RNF212B: variants seen among roughly 807,000 people sequenced by gnomAD.
RNF212B encodes E3 ubiquitin-protein ligase RNF212B.
A neutral mutation model predicts 55.5 loss-of-function variants in RNF212B; 52 were observed. The observed-to-expected ratio is 0.94, with a 90% CI of 0.75 to 1.18. The LOEUF (loss-of-function observed/expected upper bound fraction) is 1.18. Ranked by LOEUF, RNF212B falls within the 50% of genes most tolerant of loss-of-function variation. The pLI is 0.00. For synonymous variants in RNF212B, 99 were observed against 121.4 expected (o/e 0.82, Z 1.21); for missense variants, 289 against 350.4 (o/e 0.82, Z 1.40).
intron 2 of RNF212B, among the ~76,000 whole-genome samples, chr14:23,202,849 CAAA>C (rs796329912): frequency 1.9e-4 from 12 of 63,372 alleles, no homozygotes; most frequent in Admixed American, 5.5e-4. Context: ...GACCCTGTCT[CAAA>C]AAAAAAAAAA....
chr14:23,189,576 G>C (rs1877918536), intron 1 of RNF212B, among the ~76,000 whole-genome samples: 1 of 152,090 alleles, frequency 6.6e-6, no homozygotes, highest in Non-Finnish European at 1.5e-5. Flanking sequence ...GCCAAGGCGG[G>C]AGGATCGCTT....
chr14:23,198,660 A>G (rs112569978), intron 2 of RNF212B, among the ~76,000 whole-genome samples: 2 of 89,018 alleles, frequency 2.2e-5, no homozygotes, highest in African/African-American at 8.8e-5. Flanking sequence ...TGAGAACAAG[A>G]AAACTCTGTC....
chr14:23,253,273 C>T (rs1317701389), intron 4 of RNF212B, among the ~76,000 whole-genome samples: 1 of 152,030 alleles, frequency 6.6e-6, no homozygotes, highest in Non-Finnish European at 1.5e-5. Flanking sequence ...TAAAATGTTC[C>T]CACATTTTGA....
intron 2 of RNF212B, among the ~76,000 whole-genome samples, chr14:23,232,892 C>A (rs1001388911): frequency 6.3e-5 from 8 of 126,696 alleles, no homozygotes; most frequent in African/African-American, 2.0e-4. Context: ...CCGGCCACCA[C>A]CCCATCTGGG....
At chr14:23,213,355 G>C (rs369828797) in intron 2 of RNF212B, among the ~76,000 whole-genome samples, 1 of 151,594 alleles carries the variant, frequency 6.6e-6, no homozygotes, top group South Asian at 2.1e-4. Context: ...AGAAATTAAA[G>C]AAGACCTAAA....
rs538877931 is a variant in RNF212B at position 23,220,704 on chromosome 14, A to T, written c.-1-19641A>T. Among the ~76,000 whole-genome samples, 23 of 152,070 alleles carry T rather than the reference A, an allele frequency of 1.5e-4. No individual in the cohort carries two copies. In the South Asian group the frequency reaches 4.6e-3, roughly 30 times the overall value. On this transcript the variant is annotated intron_variant, in intron 2 of 15. Coordinates refer to the RNF212B transcript ENST00000399910. ...GCTGGGCGTGGTGGCGGGCACCTGT[A>T]GTCCCAGCTACTCAGGAGGCTGAGG...
chr14:23,207,242 T>G (rs561382193), intron 2 of RNF212B, among the ~76,000 whole-genome samples: 1 of 152,230 alleles, frequency 6.6e-6, no homozygotes, highest in African/African-American at 2.4e-5. Flanking sequence ...AATGCTAACT[T>G]TAGTCATTTA....
intron 2 of RNF212B, among the ~76,000 whole-genome samples, chr14:23,195,197 G>A (rs938688494): frequency 6.6e-6 from 1 of 152,030 alleles, no homozygotes; most frequent in African/African-American, 2.4e-5. Flanking sequence ...GGAGGCTGAG[G>A]TGGAAGGATT....
intron 4 of RNF212B, among the ~76,000 whole-genome samples, chr14:23,248,429 A>AGGC (rs1398391771): frequency 2.4e-5 from 3 of 126,380 alleles, no homozygotes; most frequent in East Asian, 2.3e-4. Context: ...ACCACGCCCA[A>AGGC]CCCCAAGCCT....
chr14:23,240,510 C>A, intron 2 of RNF212B, 65 bp downstream of exon 2: 1 of 979,254 alleles, frequency 1.0e-6, no homozygotes, highest in Non-Finnish European at 1.6e-6. Flanking sequence ...TAAGGAGTAG[C>A]CATTTCTATG....
intron 3 of RNF212B, among the ~76,000 whole-genome samples, chr14:23,243,850 G>C (rs914293382): frequency 6.6e-6 from 1 of 152,064 alleles, no homozygotes; most frequent in Admixed American, 6.6e-5. Flanking sequence ...GCTGATGCGG[G>C]TGGATCACCT....
At chr14:23,203,482 C>CTTT (rs35208170) in intron 2 of RNF212B, among the ~76,000 whole-genome samples, 7 of 124,608 alleles carry the variant, frequency 5.6e-5, no homozygotes, top group Non-Finnish European at 8.6e-5. Flanking sequence ...TTTAGTCCCC[C>CTTT]TTTTTTTTTT....
chr14:23,200,527 T>C (rs1879190611), intron 2 of RNF212B, among the ~76,000 whole-genome samples: 1 of 152,118 alleles, frequency 6.6e-6, no homozygotes, highest in Non-Finnish European at 1.5e-5. Flanking sequence ...GGTTTCACCA[T>C]GTTGGCCAGG....
chr14:23,260,085 A>G lies in RNF212B; in HGVS notation c.405+141A>G, dbSNP rs140538453. ...TTGATATTTGTATAACAAGCACACT[A>G]TAGTAAATGGATGAGGTCTCAGCAG... On this transcript the variant is annotated intron_variant, in intron 6 of 14. Transcript: ENST00000430154. 227 of 527,554 alleles carry G rather than the reference A, an allele frequency of 4.3e-4. No homozygotes were observed. The East Asian group carries it at 7.3e-3, about 17-fold the overall frequency. 32.7% of individuals were successfully genotyped at this position (527,554 alleles called of 1,614,324 possible).
intron 2 of RNF212B, among the ~76,000 whole-genome samples, chr14:23,215,148 G>A (rs1334694448): frequency 2.0e-5 from 3 of 152,152 alleles, no homozygotes; most frequent in Non-Finnish European, 2.9e-5. Flanking sequence ...GAGTTCTCAT[G>A]AGACATGATG....
chr14:23,234,650 G>T (rs537075195), upstream of RNF212B, among the ~76,000 whole-genome samples: 1 of 152,210 alleles, frequency 6.6e-6, no homozygotes, highest in East Asian at 1.9e-4. Flanking sequence ...TGTTTCATTG[G>T]TCTACACGTT....
intron 3 of RNF212B, among the ~76,000 whole-genome samples, chr14:23,243,747 A>G (rs1304798931): frequency 6.6e-6 from 1 of 151,242 alleles, no homozygotes; most frequent in Non-Finnish European, 1.5e-5. Context: ...CAAGCAAGCA[A>G]AGAAACAAAC....
intron 12 of RNF212B, among the ~76,000 whole-genome samples, chr14:23,269,426 A>C (rs1423009278): frequency 6.6e-6 from 1 of 152,198 alleles, no homozygotes; most frequent in Non-Finnish European, 1.5e-5. Flanking sequence ...CACTGTGTTT[A>C]ATATACATCC....
At chr14:23,189,050 T>A (rs191728626) in intron 1 of RNF212B, among the ~76,000 whole-genome samples, 142 of 152,234 alleles carry the variant, frequency 9.3e-4, no homozygotes, top group African/African-American at 3.3e-3. Context: ...GGTTTTGACT[T>A]TGAAGATTAT....
Sources: allele counts gnomAD v4.1 joint callset (sites outside exome capture counted in the v4.1 genomes callset), GRCh38; gene constraint gnomAD v4.1.1; transcripts MANE v1.5; gene names NCBI Gene and HGNC (gene_info 2026-07-23, HGNC 2026-07-21).